XKR4: variants seen among roughly 807,000 people sequenced by gnomAD.
XKR4 encodes the protein XK related 4.
In XKR4, 12 loss-of-function variants were observed where a neutral mutation model predicts 53.9. The ratio of observed to expected loss-of-function variants is 0.22; its 90% CI spans 0.14 to 0.36. The LOEUF is 0.36. Among genes scored for constraint, XKR4 ranks in the 10% least tolerant of loss-of-function variants. XKR4 has a pLI of 1.00. For missense variants in XKR4, 799 were observed against 859.5 expected (o/e 0.93, Z 0.88); for synonymous variants, 354 against 362.4 (o/e 0.98, Z 0.26).
intron 1 of XKR4, among the ~76,000 whole-genome samples, chr8:55,113,642 G>A (rs911181643): frequency 1.3e-5 from 2 of 152,148 alleles, no homozygotes; most frequent in African/African-American, 4.8e-5. Context: ...TTGTATAGTG[G>A]TGAAGTCTGG....
chr8:55,445,971 C>T (rs971642041), intron 2 of XKR4, among the ~76,000 whole-genome samples: 1 of 152,140 alleles, frequency 6.6e-6, no homozygotes, highest in Non-Finnish European at 1.5e-5. Flanking sequence ...GAGAATCTTC[C>T]AAAGAAAAAT....
In XKR4 at chr8:55,267,689, A is replaced by C. The variant is rs1304795547; in HGVS notation, c.807-89989A>C. Among the ~76,000 whole-genome samples, 7 of 152,128 alleles carry C rather than the reference A, an allele frequency of 4.6e-5. 1 individual carries two copies. Among genetic ancestry groups the C allele is most frequent in the Admixed American group, 1.3e-4 (2 of 15,268 alleles). On this transcript the variant is annotated intron_variant, in intron 1 of 2. Coordinates refer to ENST00000327381, the MANE Select transcript of XKR4 (RefSeq NM_052898.2). ...CTATTATCTTTTTTTTCATTTTTGCAATAGAGTTGCATTATTTTTATAATG... is the reference window on the plus strand; with the variant it reads ...CTATTATCTTTTTTTTCATTTTTGCCATAGAGTTGCATTATTTTTATAATG...
chr8:55,523,959 A>C lies in XKR4; in HGVS notation c.1685A>C (p.Lys562Thr). ...AGTGTTGTCAGCGACCGCGATCAGAAATTCGCAGAGCGGGATGGGTGTGTA... is the reference window on the plus strand; with the variant it reads ...AGTGTTGTCAGCGACCGCGATCAGACATTCGCAGAGCGGGATGGGTGTGTA... ...NRSVVSDRDQ[K>T]FAERDGCVPV... Residue 562 changes from lysine (K) to threonine (T), a missense_variant, in exon 3 of 3, where the codon AAA (lysine) becomes ACA (threonine). Around this residue, in one of 3 missense-constraint regions of XKR4, gnomAD observed 269 missense variants for 264.4 expected, o/e 1.02. Coordinates refer to ENST00000327381, the MANE Select transcript of XKR4 (RefSeq NM_052898.2). The C allele has an allele frequency of 6.2e-7, 1 of 1,614,168 alleles. No individual in the cohort carries two copies. The highest frequency in any genetic ancestry group is 8.5e-7 in the Non-Finnish European group (1 of 1,180,030).
At position 55,177,555 on chromosome 8, in the gene XKR4, T is replaced by C. The variant is rs548214210; in HGVS notation, c.806+74261T>C. Among the ~76,000 whole-genome samples, 4 of 152,310 alleles carry C rather than the reference T, an allele frequency of 2.6e-5. No homozygotes were observed. In the South Asian group the frequency reaches 8.3e-4, roughly 32 times the overall value. ...TTCTCCTGTGGGCTTTGAAAGTTTG[T>C]TCCCCAACTTGAGTTAGCTGTGTGT... is the stretch of plus-strand genomic sequence containing the variant. On this transcript the variant is annotated intron_variant, in intron 1 of 2. Coordinates refer to ENST00000327381, the MANE Select transcript of XKR4 (RefSeq NM_052898.2).
At chr8:55,221,751 G>A (rs566288507) in intron 1 of XKR4, among the ~76,000 whole-genome samples, 56 of 152,230 alleles carry the variant, frequency 3.7e-4, no homozygotes, top group African/African-American at 1.0e-3. Context: ...CACTGGACTC[G>A]CTCGCTGTCT....
Position 55,194,831 on chromosome 8 carries a change from A to G in XKR4, c.806+91537A>G, listed in dbSNP as rs551562484. 2.0e-5 allele frequency among the ~76,000 whole-genome samples: 3 copies of G among 152,336 alleles called. No individual in the cohort carries two copies. The South Asian group carries it at 6.2e-4, about 32-fold the overall frequency. ...CAGTGGTATTAGTGAGTGGGAGGCA[A>G]TCTGTGGCTAACAAATCCTTTTACA... On this transcript the variant is annotated intron_variant, in intron 1 of 2. Coordinates refer to ENST00000327381, the MANE Select transcript of XKR4 (RefSeq NM_052898.2).
chr8:55,389,451 A>C (rs1188004577), intron 2 of XKR4, among the ~76,000 whole-genome samples: 3 of 152,250 alleles, frequency 2.0e-5, no homozygotes, highest in Admixed American at 1.3e-4. Context: ...ATAAAGAGCA[A>C]TATAAGATGA....
chr8:55,192,718 G>A (rs148594011), intron 1 of XKR4, among the ~76,000 whole-genome samples: 81 of 152,248 alleles, frequency 5.3e-4, no homozygotes, highest in African/African-American at 1.9e-3. Flanking sequence ...TTTAATCTCG[G>A]GGTCATTATT....
At chr8:55,147,117 T>A (rs1726392240) in intron 1 of XKR4, among the ~76,000 whole-genome samples, 1 of 152,234 alleles carries the variant, frequency 6.6e-6, no homozygotes, top group Non-Finnish European at 1.5e-5. Flanking sequence ...GTTCTGGAGA[T>A]CTTTAAAGTC....
intron 1 of XKR4, among the ~76,000 whole-genome samples, chr8:55,118,235 A>G (rs769120661): frequency 5.3e-5 from 8 of 152,238 alleles, no homozygotes; most frequent in Non-Finnish European, 1.2e-4. Context: ...AATACATATT[A>G]TTTCCATTGG....
chr8:55,407,576 C>T (rs568060974), intron 2 of XKR4, among the ~76,000 whole-genome samples: 7 of 152,246 alleles, frequency 4.6e-5, no homozygotes, highest in Non-Finnish European at 8.8e-5. Flanking sequence ...TCAGATGCCC[C>T]GGGCTCAACA....
chr8:55,340,076 T>C lies in XKR4; in HGVS notation c.807-17602T>C, dbSNP rs563332089. Among the ~76,000 whole-genome samples, 6 of 152,326 alleles carry C rather than the reference T, an allele frequency of 3.9e-5. No homozygotes were observed. The South Asian group carries it at 1.2e-3, about 32-fold the overall frequency. On this transcript the variant is annotated intron_variant, in intron 1 of 2. Coordinates refer to ENST00000327381, the MANE Select transcript of XKR4 (RefSeq NM_052898.2). ...AATACGTGTACATGCCCATTCTGTA[T>C]TGATTTATTTTGTGATTAAAAACAA...
At chr8:55,243,580 A>C (rs1818240286) in intron 1 of XKR4, among the ~76,000 whole-genome samples, 1 of 152,196 alleles carries the variant, frequency 6.6e-6, no homozygotes, top group African/African-American at 2.4e-5. Flanking sequence ...ATTTCGGTAA[A>C]TACCAAGGAA....
rs1018200786 is a variant in XKR4 at position 55,154,997 on chromosome 8, G to A, written c.806+51703G>A. Among the ~76,000 whole-genome samples, 16 of 152,256 alleles carry A rather than the reference G, an allele frequency of 1.1e-4. 1 individual carries two copies. Among genetic ancestry groups the A allele is most frequent in the Admixed American group, 8.5e-4 (13 of 15,296 alleles). ...TAAACATGGCAGAATGGGCACATGGGTCTTTGTAGCAGTTCAAGGAGCTCT... is the reference window on the plus strand; with the variant it reads ...TAAACATGGCAGAATGGGCACATGGATCTTTGTAGCAGTTCAAGGAGCTCT... On this transcript the variant is annotated intron_variant, in intron 1 of 2. Transcript: ENST00000327381.
At chr8:55,318,920 T>C (rs1364021861) in intron 1 of XKR4, among the ~76,000 whole-genome samples, 1 of 152,170 alleles carries the variant, frequency 6.6e-6, no homozygotes, top group African/African-American at 2.4e-5. Context: ...TTTGAAGACC[T>C]AAACAATTAA....
At chr8:55,206,085 A>T (rs1262248646) in intron 1 of XKR4, among the ~76,000 whole-genome samples, 1 of 152,168 alleles carries the variant, frequency 6.6e-6, no homozygotes, top group African/African-American at 2.4e-5. Flanking sequence ...GAAGCTGCAG[A>T]CCTTCGCAGT....
chr8:55,403,389 T>A (rs1804637307), intron 2 of XKR4, among the ~76,000 whole-genome samples: 1 of 152,244 alleles, frequency 6.6e-6, no homozygotes, highest in Non-Finnish European at 1.5e-5. Context: ...GAAAGATCTA[T>A]AAATTAAGTA....
intron 2 of XKR4, among the ~76,000 whole-genome samples, chr8:55,492,811 A>G (rs756351398): frequency 1.3e-5 from 2 of 152,174 alleles, no homozygotes; most frequent in South Asian, 4.1e-4. Context: ...CTCGTGATTT[A>G]CAGATGATGT....
At chr8:55,282,928 C>A (rs1818861428) in intron 1 of XKR4, among the ~76,000 whole-genome samples, 1 of 152,060 alleles carries the variant, frequency 6.6e-6, no homozygotes, top group South Asian at 2.1e-4. Context: ...ATAAGCATAC[C>A]ATTTTTTAAT....
Sources: allele counts gnomAD v4.1 joint callset (sites outside exome capture counted in the v4.1 genomes callset), GRCh38; gene constraint gnomAD v4.1.1; regional missense constraint gnomAD v4.1.1; transcripts MANE v1.5; gene names NCBI Gene and HGNC (gene_info 2026-07-23, HGNC 2026-07-21).